The following MTMR9 variants were observed in gnomAD, a reference collection of about 807,000 sequenced individuals.
MTMR9 encodes myotubularin related protein 9.
MTMR9 carries 39 observed loss-of-function variants against 69.5 expected under a neutral mutation model. The ratio of observed to expected loss-of-function variants is 0.56; its 90% CI spans 0.43 to 0.73. The LOEUF (loss-of-function observed/expected upper bound fraction) is 0.73. Ranked by LOEUF, MTMR9 falls within the 30% of genes least tolerant of loss-of-function variation. MTMR9 has a pLI of 0.00. For missense variants in MTMR9, 900 were observed against 671.2 expected (o/e 1.34, Z -3.77); for synonymous variants, 354 against 240.8 (o/e 1.47, Z -4.35).
chr8:11,329,627 C>T (rs2117492120), downstream of MTMR9, among the ~76,000 whole-genome samples: 3 of 152,356 alleles, frequency 2.0e-5, no homozygotes, highest in East Asian at 5.8e-4. Context: ...TCAATGTTGC[C>T]CAGGCTGGAG....
chr8:11,321,230 G>C (rs1800671707), intron 9 of MTMR9: 1 of 344,594 alleles, frequency 2.9e-6, no homozygotes, highest in African/African-American at 2.1e-5. Context: ...TTCTGGGTGT[G>C]AGCTTTAGTG....
chr8:11,297,758 C>T (rs958469574), intron 2 of MTMR9: 3 of 398,044 alleles, frequency 7.5e-6, no homozygotes, highest in African/African-American at 4.2e-5. Context: ...GAAACTGACT[C>T]ATTATATAAA....
At chr8:11,304,345 G>C (rs540583747) in intron 3 of MTMR9, among the ~76,000 whole-genome samples, 9 of 152,256 alleles carry the variant, frequency 5.9e-5, no homozygotes, top group African/African-American at 1.9e-4. Context: ...ATCTGGAGTC[G>C]TACAGTCTTA....
chr8:11,284,939 G>T lies in MTMR9; in HGVS notation c.51G>T (p.Leu17=). ...CCCCGCGGGTGGACAATGTGGTGCTGCACCGGCCTTTCTACCCGGCTGTCG... is the reference window on the plus strand; with the variant it reads ...CCCCGCGGGTGGACAATGTGGTGCTTCACCGGCCTTTCTACCCGGCTGTCG... ...IKTPRVDNVV[L]HRPFYPAVEG... The change falls in exon 1 of 10, where the codon CTG becomes CTT. Residue 17 remains leucine (L), a synonymous_variant. Coordinates refer to ENST00000221086, the MANE Select transcript of MTMR9 (RefSeq NM_015458.4). 1 of 1,613,924 alleles carries T rather than the reference G, an allele frequency of 6.2e-7. No individual in the cohort carries two copies. The highest frequency in any genetic ancestry group is 8.5e-7 in the Non-Finnish European group (1 of 1,179,920).
chr8:11,338,701 G>A, the MTMR9 span, among the ~76,000 whole-genome samples: 7 of 152,184 alleles, frequency 4.6e-5, no homozygotes, highest in African/African-American at 9.7e-5. Context: ...GAAGGCTGAC[G>A]TCAGCTGGCA....
chr8:11,304,517 G>T (rs142021338), intron 3 of MTMR9, among the ~76,000 whole-genome samples: 215 of 152,274 alleles, frequency 1.4e-3, no homozygotes, highest in African/African-American at 5.0e-3. Flanking sequence ...ATGGGATACC[G>T]TGTAAAATAG....
At chr8:11,305,911 A>G (rs970757173) in intron 4 of MTMR9, among the ~76,000 whole-genome samples, 3 of 152,214 alleles carry the variant, frequency 2.0e-5, no homozygotes, top group African/African-American at 4.8e-5. Flanking sequence ...TTTGATTCAC[A>G]CACTAAATGA....
chr8:11,331,878 G>A (rs1490490608), downstream of MTMR9: 1 of 1,612,036 alleles, frequency 6.2e-7, no homozygotes, highest in Non-Finnish European at 8.5e-7. Flanking sequence ...TTGTGTGGGG[G>A]CAGAGGGGAT....
At chr8:11,304,136 G>C (rs904349995) in intron 3 of MTMR9, among the ~76,000 whole-genome samples, 1 of 151,916 alleles carries the variant, frequency 6.6e-6, no homozygotes, top group Non-Finnish European at 1.5e-5. Flanking sequence ...TCATTTGATA[G>C]TTTTATATTG....
intron 1 of MTMR9, among the ~76,000 whole-genome samples, chr8:11,286,114 G>A (rs1253602733): frequency 6.6e-6 from 1 of 151,232 alleles, no homozygotes; most frequent in East Asian, 2.0e-4. Flanking sequence ...CACCACACCC[G>A]GCTAATTTTT....
intron 1 of MTMR9, among the ~76,000 whole-genome samples, chr8:11,290,556 C>T (rs1482032325): frequency 1.3e-5 from 2 of 152,146 alleles, no homozygotes. Flanking sequence ...CCTACATTTT[C>T]TTCCATAATA....
At position 11,314,902 on chromosome 8, in the gene MTMR9, C is replaced by A. The variant is rs758258229; in HGVS notation, c.972-21C>A. Reference sequence around the variant, plus strand: ...ATGTTGGACATTTCCCATTTGTACTCTTCCCTGATTTTCCTATCAGGGAAG... The same window carrying A: ...ATGTTGGACATTTCCCATTTGTACTATTCCCTGATTTTCCTATCAGGGAAG... On this transcript the variant is annotated intron_variant, in intron 6 of 9. Coordinates refer to ENST00000221086, the MANE Select transcript of MTMR9 (RefSeq NM_015458.4). 4 of 1,611,544 alleles carry A rather than the reference C, an allele frequency of 2.5e-6. No homozygotes were observed. The South Asian group carries it at 4.4e-5, about 18-fold the overall frequency.
At chr8:11,337,358 T>G in the MTMR9 span, among the ~76,000 whole-genome samples, 1 of 152,214 alleles carries the variant, frequency 6.6e-6, no homozygotes, top group Non-Finnish European at 1.5e-5. Context: ...TGGTACAAGG[T>G]GCAGCAACTT....
chr8:11,310,153 T>A (rs577024875), intron 6 of MTMR9, among the ~76,000 whole-genome samples: 1 of 152,362 alleles, frequency 6.6e-6, no homozygotes, highest in African/African-American at 2.4e-5. Context: ...CTACTTGATA[T>A]GTGCGATTAC....
At chr8:11,328,344 C>CGTGTGT (rs151066674), downstream of MTMR9, among the ~76,000 whole-genome samples, 3,824 of 90,944 alleles carry the variant, frequency 0.042, 137 homozygotes, top group African/African-American at 0.1. Context: ...TTTAATACCA[C>CGTGTGT]GTGTGTGTGT....
intron 1 of MTMR9, 22 bp downstream of exon 1, chr8:11,285,092 G>C (rs528626678): frequency 1.3e-6 from 2 of 1,535,988 alleles, no homozygotes. Flanking sequence ...CCCCACCCCA[G>C]CTCCGCAGGG....
chr8:11,304,840 G>T lies in MTMR9; in HGVS notation c.418-1G>T, dbSNP rs764505309. 4.3e-6 allele frequency: 7 copies of T among 1,612,650 alleles called. No homozygotes were observed. Among genetic ancestry groups the T allele is most frequent in the Non-Finnish European group, 5.9e-6 (7 of 1,179,450 alleles). On this transcript the variant is annotated splice_acceptor_variant, in intron 3 of 9. Coordinates refer to ENST00000221086, the MANE Select transcript of MTMR9 (RefSeq NM_015458.4). LOFTEE classifies it high-confidence loss of function. ...GCTTTGAAGTATTTTGTGTTTTTCA[G>T]ACCAGTGAATGGAGGCTAAGCTATG...
rs1056919020 is a variant in MTMR9, at chr8:11,316,896, G to A, written c.1334+3G>A. On this transcript the variant is annotated splice_donor_region_variant and intron_variant, in intron 8 of 9. Transcript: ENST00000221086. Reference sequence around the variant, plus strand: ...CTGGGCAACAATGAAAGTGAAAGGTGAGTACACTGCTCACATGGGGACCTT... The same window carrying A: ...CTGGGCAACAATGAAAGTGAAAGGTAAGTACACTGCTCACATGGGGACCTT... 1.4e-5 allele frequency: 22 copies of A among 1,583,164 alleles called. No individual in the cohort carries two copies. The highest frequency in any genetic ancestry group is 1.9e-5 in the Non-Finnish European group (22 of 1,163,882).
intron 2 of MTMR9, chr8:11,298,721 C>CG (rs1554501122): frequency 0.035 from 11,113 of 318,880 alleles, 28 homozygotes; most frequent in East Asian, 0.071. Flanking sequence ...CCCCGCTGCA[C>CG]CCCCCCCCCG....
Sources: allele counts gnomAD v4.1 joint callset (sites outside exome capture counted in the v4.1 genomes callset), GRCh38; gene constraint gnomAD v4.1.1; transcripts MANE v1.5; gene names NCBI Gene and HGNC (gene_info 2026-07-23, HGNC 2026-07-21).